Variants in GRIK1 observed in about 807,000 individuals in gnomAD.
The protein encoded by GRIK1 is glutamate receptor ionotropic, kainate 1.
In GRIK1, 69 loss-of-function variants were observed where a neutral mutation model predicts 105.7. The ratio of observed to expected loss-of-function variants is 0.65; its 90% CI spans 0.54 to 0.80. GRIK1 has a LOEUF of 0.80. Among genes scored for constraint, GRIK1 ranks in the 30% least tolerant of loss-of-function variants. GRIK1 has a pLI of 0.00. For missense variants in GRIK1, 1,109 were observed against 1,167.3 expected (o/e 0.95, Z 0.73); for synonymous variants, 438 against 431.3 (o/e 1.02, Z -0.19).
chr21:29,721,590 A>G (rs2064324212), intron 1 of GRIK1, among the ~76,000 whole-genome samples: 2 of 149,342 alleles, frequency 1.3e-5, no homozygotes, highest in Admixed American at 1.3e-4. Flanking sequence ...GAGTAGCAGG[A>G]GAATACATAC....
At chr21:29,789,490 C>T (rs2066352624) in intron 1 of GRIK1, among the ~76,000 whole-genome samples, 1 of 152,162 alleles carries the variant, frequency 6.6e-6, no homozygotes, top group Non-Finnish European at 1.5e-5. Flanking sequence ...CCGATCAAGC[C>T]ATCTGCTCTC....
At chr21:29,656,430 A>G (rs1445223610) in intron 4 of GRIK1, among the ~76,000 whole-genome samples, 5 of 145,536 alleles carry the variant, frequency 3.4e-5, no homozygotes, top group Non-Finnish European at 7.5e-5. Context: ...TTTCCAAGGT[A>G]GTTTTCCGCA....
chr21:29,915,762 AC>A (rs1460558053), intron 1 of GRIK1, among the ~76,000 whole-genome samples: 2 of 151,982 alleles, frequency 1.3e-5, no homozygotes, highest in African/African-American at 2.4e-5. Context: ...CAATAGTGTT[AC>A]CCCCAGTGGC....
intron 7 of GRIK1, among the ~76,000 whole-genome samples, chr21:29,604,755 C>A (rs2061580665): frequency 6.6e-6 from 1 of 152,186 alleles, no homozygotes; most frequent in Non-Finnish European, 1.5e-5. Context: ...ATGTCTACCA[C>A]TGCTTAATAG....
At chr21:29,830,453 T>C (rs187580577) in intron 1 of GRIK1, among the ~76,000 whole-genome samples, 1 of 152,224 alleles carries the variant, frequency 6.6e-6, no homozygotes, top group Admixed American at 6.5e-5. Context: ...TCCATTCCAC[T>C]TCTTCCTTTA....
chr21:29,577,102 T>G lies in GRIK1; in HGVS notation c.1992A>C (p.Ser664=). ...IWWFFTLIII[S]SYTANLAAFL... is the part of the protein sequence containing the mutation. ...AGGCAGCCAGATTGGCCGTGTAGGATGAAATGATGATTAGGGTGAAAAACC... is the reference window on the plus strand; with the variant it reads ...AGGCAGCCAGATTGGCCGTGTAGGAGGAAATGATGATTAGGGTGAAAAACC... The change falls in exon 14 of 18, where the codon TCA becomes TCC. Residue 664 remains serine (S), a synonymous_variant. Transcript: ENST00000327783. 6.2e-7 allele frequency: 1 copy of G among 1,612,716 alleles called. No individual in the cohort carries two copies. The highest frequency in any genetic ancestry group is 8.5e-7 in the Non-Finnish European group (1 of 1,178,714).
chr21:29,610,819 A>G (rs896668560), intron 7 of GRIK1, among the ~76,000 whole-genome samples: 2 of 152,172 alleles, frequency 1.3e-5, no homozygotes, highest in African/African-American at 4.8e-5. Context: ...TGGAGAAAGG[A>G]TTCTGAAAAT....
chr21:29,560,516 C>T lies in GRIK1; in HGVS notation c.2356+1108G>A, dbSNP rs1388708610. 5.9e-4 allele frequency among the ~76,000 whole-genome samples: 28 copies of T among 47,292 alleles called. 2 individuals carry two copies. The highest frequency in any genetic ancestry group is 2.4e-3 in the African/African-American group (21 of 8,770). The allele number at this position is 47,292 out of a possible 152,430, so 31.0% of individuals were successfully genotyped here. ...CTTTCTTTCCTTCCTTCCTTCCTTC[C>T]TTCCTTTCTTTCTTTCTTTCTTTCT... On this transcript the variant is annotated intron_variant, in intron 15 of 17. Transcript: ENST00000327783.
intron 1 of GRIK1, among the ~76,000 whole-genome samples, chr21:29,758,050 T>C (rs1193685707): frequency 6.6e-6 from 1 of 152,186 alleles, no homozygotes; most frequent in Non-Finnish European, 1.5e-5. Context: ...TGGGAAGGGG[T>C]AGCATGTTCC....
At chr21:29,705,925 T>C (rs988274376) in intron 1 of GRIK1, among the ~76,000 whole-genome samples, 5 of 151,230 alleles carry the variant, frequency 3.3e-5, no homozygotes, top group Admixed American at 6.6e-5. Flanking sequence ...CCAGGCTGCA[T>C]TGCAGTGATG....
At chr21:29,917,920 A>G (rs2071053811) in intron 1 of GRIK1, among the ~76,000 whole-genome samples, 1 of 152,066 alleles carries the variant, frequency 6.6e-6, no homozygotes, top group Non-Finnish European at 1.5e-5. Flanking sequence ...AAAATAAAAT[A>G]TATGATTTCT....
At chr21:29,567,116 A>C (rs2090629053) in intron 14 of GRIK1, among the ~76,000 whole-genome samples, 1 of 152,228 alleles carries the variant, frequency 6.6e-6, no homozygotes, top group African/African-American at 2.4e-5. Flanking sequence ...TGTTTTAGGA[A>C]GTGCAACAGT....
intron 5 of GRIK1, among the ~76,000 whole-genome samples, chr21:29,652,884 A>T (rs1191875817): frequency 6.6e-6 from 1 of 152,246 alleles, no homozygotes; most frequent in African/African-American, 2.4e-5. Flanking sequence ...AGATGCATAC[A>T]AATTTATTCT....
At chr21:29,651,509 A>C (rs1394729197) in intron 5 of GRIK1, among the ~76,000 whole-genome samples, 1 of 151,888 alleles carries the variant, frequency 6.6e-6, no homozygotes, top group Non-Finnish European at 1.5e-5. Context: ...ATTGCACACC[A>C]CTCTGAGTAG....
chr21:29,921,899 T>C (rs985745835), intron 1 of GRIK1, among the ~76,000 whole-genome samples: 3 of 152,214 alleles, frequency 2.0e-5, no homozygotes, highest in African/African-American at 7.2e-5. Context: ...TAGGTGCTCA[T>C]TACTTTAAGA....
intron 13 of GRIK1, among the ~76,000 whole-genome samples, chr21:29,580,114 T>C (rs144413439): frequency 0.022 from 3,251 of 144,814 alleles, 129 homozygotes; most frequent in African/African-American, 0.08. Context: ...TATATATACA[T>C]ATATACACAT....
chr21:29,863,464 C>T (rs2068708918), intron 1 of GRIK1, among the ~76,000 whole-genome samples: 1 of 152,138 alleles, frequency 6.6e-6, no homozygotes, highest in African/African-American at 2.4e-5. Flanking sequence ...ACTAGATTCC[C>T]AAACCCCAGC....
At chr21:29,928,695 G>A (rs1242289905) in intron 1 of GRIK1, among the ~76,000 whole-genome samples, 1 of 152,178 alleles carries the variant, frequency 6.6e-6, no homozygotes, top group Non-Finnish European at 1.5e-5. Flanking sequence ...GCTGAGTCTT[G>A]AAGGATGAGC....
intron 1 of GRIK1, among the ~76,000 whole-genome samples, chr21:29,889,744 G>A: frequency 6.6e-6 from 1 of 151,938 alleles, no homozygotes; most frequent in East Asian, 1.9e-4. Flanking sequence ...GTTTAAAATA[G>A]TGTGTTTCAG....
Sources: gnomAD v4.1 joint callset for allele counts (sites outside exome capture counted in the v4.1 genomes callset) on GRCh38, gnomAD v4.1.1 for gene constraint, MANE v1.5 for transcripts, NCBI Gene and HGNC (gene_info 2026-07-23, HGNC 2026-07-21) for gene names.